Variants in CTNND2 observed in about 807,000 individuals in gnomAD.
The protein encoded by CTNND2 is catenin delta 2, also known as catenin delta-2.
CTNND2 carries 22 observed loss-of-function variants against 144.4 expected under a neutral mutation model. That is an observed-to-expected ratio of 0.15 (90% confidence interval 0.11 to 0.22). The LOEUF (loss-of-function observed/expected upper bound fraction) is 0.22. Ranked by LOEUF, CTNND2 falls within the 10% of genes least tolerant of loss-of-function variation. The probability of loss-of-function intolerance (pLI) is 1.00; values close to 1 mark genes in which losing one functional copy is unlikely to be tolerated. For missense variants in CTNND2, 1,353 were observed against 1,618.8 expected, an observed-to-expected ratio of 0.84 and a Z score of 2.82; for synonymous variants, 751 against 695.6, an observed-to-expected ratio of 1.08 and a Z score of -1.25.
Position 11,904,027 on chromosome 5 carries a change from G to GA in CTNND2, c.-175dup. ...CGGCAGGGGCGAGCGCCGCGGGCGA[G>GA]AGGCGGCTCCCGACGCGAGTGCGCA... On this transcript the variant is annotated 5_prime_UTR_variant, in exon 1 of 22. Transcript: ENST00000304623. This position sits in a 1 kb window ranked among gnomAD's most constrained non-coding sequence, Gnocchi z 4.2. 1.6e-6 allele frequency: 1 copy of GA among 618,906 alleles called. No homozygotes were observed. Among genetic ancestry groups the GA allele is most frequent in the Non-Finnish European group, 2.2e-6 (1 of 446,840 alleles). The allele number at this position is 618,906 out of a possible 1,614,324, so 38.3% of individuals were successfully genotyped here.
At chr5:11,634,275 G>GCA (rs1179637853) in intron 2 of CTNND2, among the ~76,000 whole-genome samples, 1 of 151,984 alleles carries the variant, frequency 6.6e-6, no homozygotes, top group Non-Finnish European at 1.5e-5. Context: ...AAGACCATAG[G>GCA]CACACACACA....
At chr5:11,618,444 T>G (rs948393414) in intron 2 of CTNND2, among the ~76,000 whole-genome samples, 4 of 152,228 alleles carry the variant, frequency 2.6e-5, no homozygotes, top group African/African-American at 9.6e-5. Flanking sequence ...TGGCCACTTG[T>G]GTCCTTAACA....
At position 11,396,375 on chromosome 5, in the gene CTNND2, GA is replaced by G. The variant is rs796604427; in HGVS notation, c.612+655del. Among the ~76,000 whole-genome samples the G allele has an allele frequency of 6.0e-3, 882 of 147,582 alleles. 6 individuals carry two copies. The highest frequency in any genetic ancestry group is 0.019 in the African/African-American group (765 of 40,402). On this transcript the variant is annotated intron_variant, in intron 6 of 21. Coordinates refer to ENST00000304623, the MANE Select transcript of CTNND2 (RefSeq NM_001332.4). ...AAATAACAACATTTACATCTTTCTT[GA>G]AAAAAAAAAATTTCCAGATTGGTAG...
intron 1 of CTNND2, among the ~76,000 whole-genome samples, chr5:11,735,180 T>G (rs1300914269): frequency 1.3e-5 from 2 of 152,236 alleles, no homozygotes; most frequent in African/African-American, 2.4e-5. Flanking sequence ...ACCAACAGGA[T>G]GACAGAAAGA....
chr5:11,476,181 A>G (rs1767728793), intron 3 of CTNND2, among the ~76,000 whole-genome samples: 1 of 151,930 alleles, frequency 6.6e-6, no homozygotes, highest in African/African-American at 2.4e-5. Flanking sequence ...GGGACTAATT[A>G]ACTCGGAAAA....
intron 16 of CTNND2, among the ~76,000 whole-genome samples, chr5:11,046,669 G>A (rs554424078): frequency 2.0e-5 from 3 of 152,268 alleles, no homozygotes; most frequent in African/African-American, 7.2e-5. Context: ...TTTTAACGCT[G>A]TCTGAAATCT....
Position 11,842,367 on chromosome 5 carries a change from A to G in CTNND2, c.37+61450T>C, listed in dbSNP as rs113923477. 2.4e-3 allele frequency among the ~76,000 whole-genome samples: 370 copies of G among 152,326 alleles called. 4 individuals are homozygous for G. The highest frequency in any genetic ancestry group is 8.1e-3 in the African/African-American group (338 of 41,584). ...ATTCTATACTATGGTTTAGAAAACC[A>G]AAGTGCAAGAATAATATGGAAAGCC... On this transcript the variant is annotated intron_variant, in intron 1 of 21. Coordinates refer to ENST00000304623, the MANE Select transcript of CTNND2 (RefSeq NM_001332.4).
chr5:11,004,785 A>G (rs1233344018), intron 18 of CTNND2, among the ~76,000 whole-genome samples: 13 of 152,108 alleles, frequency 8.5e-5, no homozygotes, highest in African/African-American at 2.9e-4. Context: ...AAAAAAAAAA[A>G]AAAAAGAAAA....
rs1210531493 is a variant in CTNND2 at position 10,981,766 on chromosome 5, A to G, written c.3417+7T>C. 3.1e-6 allele frequency: 5 copies of G among 1,591,578 alleles called. No homozygotes were observed. Among genetic ancestry groups the G allele is most frequent in the Non-Finnish European group, 4.3e-6 (5 of 1,160,522 alleles). On this transcript the variant is annotated splice_region_variant and intron_variant, in intron 21 of 21. Coordinates refer to ENST00000304623, the MANE Select transcript of CTNND2 (RefSeq NM_001332.4). ...AAGGAAATACAAACGTGTTGCATTT[A>G]CTTTACCTGGTTGTGTTTGATGTCT... is the stretch of plus-strand genomic sequence containing the variant.
chr5:11,644,494 GA>G (rs1782242196), intron 2 of CTNND2, among the ~76,000 whole-genome samples: 1 of 152,114 alleles, frequency 6.6e-6, no homozygotes, highest in Non-Finnish European at 1.5e-5. Context: ...TTAACACAGT[GA>G]AACCCTGTCT....
At position 11,903,363 on chromosome 5, in the gene CTNND2, T is replaced by C. The variant is rs903607668; in HGVS notation, c.37+454A>G. The stretch of plus-strand genomic sequence containing the variant: ...ACGCATATGACTAAGTCTTTCCATT[T>C]TGTTCTAGCCAAACATCGTAATGAC... On this transcript the variant is annotated intron_variant, in intron 1 of 21. Transcript: ENST00000304623. This position sits in a 1 kb window ranked among gnomAD's most constrained non-coding sequence, Gnocchi z 5.4. 3 of 992,836 alleles carry C rather than the reference T, an allele frequency of 3.0e-6. No homozygotes were observed. The highest frequency in any genetic ancestry group is 6.1e-5 in the Admixed American group (1 of 16,388). 61.5% of individuals were successfully genotyped at this position (992,836 alleles called of 1,614,324 possible). A position where few individuals can be genotyped will look rare whatever the true frequency, so the allele number is the denominator to read the frequency against.
intron 19 of CTNND2, 114 bp downstream of exon 19, chr5:10,992,437 G>A (rs1039657062): frequency 1.4e-5 from 20 of 1,432,028 alleles, no homozygotes; most frequent in East Asian, 1.4e-4. Context: ...TACTTCTAGC[G>A]AAGGTCTGAA....
At chr5:11,713,391 C>T (rs1786146226) in intron 2 of CTNND2, among the ~76,000 whole-genome samples, 1 of 151,752 alleles carries the variant, frequency 6.6e-6, no homozygotes, top group Admixed American at 6.6e-5. Context: ...CCAGCCTGAT[C>T]AACATGGTGA....
intron 3 of CTNND2, among the ~76,000 whole-genome samples, chr5:11,557,852 C>A (rs1336520438): frequency 6.6e-6 from 1 of 152,124 alleles, no homozygotes; most frequent in Non-Finnish European, 1.5e-5. Context: ...TGGAACCATG[C>A]TGGGAATGAG....
At chr5:11,431,817 T>G (rs906538569) in intron 3 of CTNND2, among the ~76,000 whole-genome samples, 1 of 152,040 alleles carries the variant, frequency 6.6e-6, no homozygotes, top group Admixed American at 6.5e-5. Context: ...GGCAAGTAAC[T>G]TGGTGTTGTT....
intron 16 of CTNND2, among the ~76,000 whole-genome samples, chr5:11,031,455 T>C (rs890924771): frequency 3.3e-5 from 5 of 152,200 alleles, no homozygotes; most frequent in African/African-American, 1.2e-4. Flanking sequence ...TATACTGTAC[T>C]TTACTGTCCA....
intron 2 of CTNND2, among the ~76,000 whole-genome samples, chr5:11,572,249 A>C (rs1447314000): frequency 6.6e-6 from 1 of 152,132 alleles, no homozygotes; most frequent in East Asian, 1.9e-4. Context: ...TCTCCTTCTA[A>C]GCATAACCAT....
At chr5:11,186,339 C>T (rs903213381) in intron 11 of CTNND2, among the ~76,000 whole-genome samples, 49 of 152,204 alleles carry the variant, frequency 3.2e-4, no homozygotes, top group African/African-American at 1.1e-3. Flanking sequence ...AGCTCCACCC[C>T]AGTTAACACT....
chr5:11,534,440 C>T (rs1157248289), intron 3 of CTNND2, among the ~76,000 whole-genome samples: 3 of 151,558 alleles, frequency 2.0e-5, no homozygotes, highest in Non-Finnish European at 4.4e-5. Flanking sequence ...ACATTCCTAC[C>T]AAAAAGTACA....
Sources: allele counts gnomAD v4.1 joint callset (sites outside exome capture counted in the v4.1 genomes callset), GRCh38; gene constraint gnomAD v4.1.1; non-coding constraint Gnocchi (gnomAD v3.1); transcripts MANE v1.5; gene names NCBI Gene and HGNC (gene_info 2026-07-23, HGNC 2026-07-21).